The following TMPRSS5 variants were observed in gnomAD, a reference collection of about 807,000 sequenced individuals.
TMPRSS5 encodes transmembrane protease serine 5.
Under a neutral mutation model 59.7 loss-of-function variants are expected in TMPRSS5, and 45 were observed. The observed-to-expected ratio is 0.75, with a 90% confidence interval of 0.59 to 0.97. The LOEUF (loss-of-function observed/expected upper bound fraction) is 0.97. Ranked by LOEUF, TMPRSS5 falls within the 50% of genes least tolerant of loss-of-function variation. The probability of loss-of-function intolerance (pLI) is 0.00; values close to 1 mark genes in which losing one functional copy is unlikely to be tolerated. For missense variants in TMPRSS5, 585 were observed against 596.7 expected (o/e 0.98, Z 0.20); for synonymous variants, 225 against 232.0 (o/e 0.97, Z 0.27).
intron 1 of TMPRSS5, among the ~76,000 whole-genome samples, chr11:113,700,656 T>C (rs1365671553): frequency 6.6e-6 from 1 of 152,052 alleles, no homozygotes; most frequent in Non-Finnish European, 1.5e-5. Flanking sequence ...CTATAGGGAG[T>C]TCAGAATAAA....
intron 6 of TMPRSS5, among the ~76,000 whole-genome samples, chr11:113,695,890 G>T (rs767151698): frequency 6.6e-6 from 1 of 152,056 alleles, no homozygotes; most frequent in Non-Finnish European, 1.5e-5. Flanking sequence ...CCTCTGCCTG[G>T]GCTTTGCATA....
At chr11:113,703,168 G>A (rs999043424) in intron 1 of TMPRSS5, among the ~76,000 whole-genome samples, 4 of 152,378 alleles carry the variant, frequency 2.6e-5, no homozygotes, top group South Asian at 4.1e-4. Flanking sequence ...AAAGCCACAA[G>A]GGCAGAGCTG....
chr11:113,696,765 C>T, intron 6 of TMPRSS5, 93 bp downstream of exon 6: 2 of 813,660 alleles, frequency 2.5e-6, no homozygotes, highest in Middle Eastern at 5.6e-4. Flanking sequence ...CACCAGTGTC[C>T]TCCCCACCGG....
intron 5 of TMPRSS5, 81 bp downstream of exon 5, chr11:113,697,202 C>A (rs951046517): frequency 6.5e-7 from 1 of 1,529,316 alleles, no homozygotes; most frequent in Non-Finnish European, 8.9e-7. Context: ...TGACCAGTGA[C>A]GGGCAGGTAG....
rs1286889306 is a variant in TMPRSS5 at position 113,693,220 on chromosome 11, C to T, written c.815G>A (p.Arg272Gln). 6 of 1,582,954 alleles carry T rather than the reference C, an allele frequency of 3.8e-6. No individual in the cohort carries two copies. Among genetic ancestry groups the T allele is most frequent in the South Asian group, 3.5e-5 (3 of 86,942 alleles). The change falls in exon 9 of 13, where the codon CGG (arginine) becomes CAG (glutamine). Residue 272 changes from arginine to glutamine, a missense_variant. Arg to Gln is a conservative substitution (Grantham distance 43). Transcript: ENST00000299882. ...GTGGCTGACCAGCCCCGCATGAACCCGCCAGCTGGACAGGCGGGCCAGCCT... is the reference window on the plus strand; with the variant it reads ...GTGGCTGACCAGCCCCGCATGAACCTGCCAGCTGGACAGGCGGGCCAGCCT... ...SFRLARLSSW[R>Q]VHAGLVSHSA... is the part of the protein sequence containing the mutation.
rs968696502 is a variant in TMPRSS5, at chr11:113,688,265, G to C, written c.1369C>G (p.Leu457Val). 2.5e-6 allele frequency: 4 copies of C among 1,580,872 alleles called. No individual in the cohort carries two copies. The South Asian group carries it at 3.5e-5, about 14-fold the overall frequency. ...WIHDTAQDSLL is the reference protein window; with the variant it reads ...WIHDTAQDSLV ...ACTGGAGGAAACAGCAGGACTCAGA[G>C]GAGGGAGTCCTAGACCAAAAGGGAA... Residue 457 changes from leucine (L) to valine (V), a missense_variant, in exon 13 of 13, where the codon CTC becomes GTC. Coordinates refer to ENST00000299882, the MANE Select transcript of TMPRSS5 (RefSeq NM_030770.4).
Position 113,693,152 on chromosome 11 carries a change from T to C in TMPRSS5, c.883A>G (p.Ile295Val), listed in dbSNP as rs1338156058. ...PHQGALVERI[I>V]PHPLYSAQNH... is the part of the protein sequence containing the mutation. ...TGGGCACTGTAGAGGGGGTGTGGGA[T>C]AATCCTCTCCACCAGAGCCCCTTGG... The change falls in exon 9 of 13, where the codon ATC becomes GTC. Residue 295 changes from isoleucine to valine, a missense_variant. By Grantham distance (29) the Ile-to-Val change is conservative. Coordinates refer to ENST00000299882, the MANE Select transcript of TMPRSS5 (RefSeq NM_030770.4). 1 of 1,601,096 alleles carries C rather than the reference T, an allele frequency of 6.2e-7. No individual in the cohort carries two copies.
In TMPRSS5 at chr11:113,696,991, A is replaced by G; in HGVS notation, c.465-20T>C. ...GTGAGTCTTGGCAGAAGAAGGGAAT[A>G]GAACAGGAGGAAATCATAACTGGAA... On this transcript the variant is annotated intron_variant, in intron 5 of 12. Coordinates refer to ENST00000299882, the MANE Select transcript of TMPRSS5 (RefSeq NM_030770.4). The G allele has an allele frequency of 6.6e-7, 1 of 1,522,262 alleles. No homozygotes were observed. The allele number at this position is 1,522,262 out of a possible 1,614,324, so 94.3% of individuals were successfully genotyped here. A position where few individuals can be genotyped will look rare whatever the true frequency, so the allele number is the denominator to read the frequency against.
chr11:113,703,903 C>A (rs1375081086), intron 1 of TMPRSS5, among the ~76,000 whole-genome samples: 1 of 152,170 alleles, frequency 6.6e-6, no homozygotes, highest in Non-Finnish European at 1.5e-5. Flanking sequence ...TATAAATTAC[C>A]CAGTCTCAGG....
intron 1 of TMPRSS5, among the ~76,000 whole-genome samples, chr11:113,704,270 C>T (rs530945183): frequency 6.6e-6 from 1 of 152,284 alleles, no homozygotes; most frequent in South Asian, 2.1e-4. Flanking sequence ...ACAACTCAGG[C>T]CATCTCTTCA....
chr11:113,699,573 G>T, intron 3 of TMPRSS5, 22 bp downstream of exon 3: 1 of 1,554,998 alleles, frequency 6.4e-7, no homozygotes, highest in Non-Finnish European at 8.7e-7. Flanking sequence ...CCCCACACCA[G>T]AGAAAGGCCC....
At chr11:113,696,828 C>A in intron 6 of TMPRSS5, 30 bp downstream of exon 6, 1 of 1,472,842 alleles carries the variant, frequency 6.8e-7, no homozygotes, top group African/African-American at 1.4e-5. Flanking sequence ...GTAAGGGACC[C>A]CACTCACCTA....
intron 12 of TMPRSS5, among the ~76,000 whole-genome samples, chr11:113,689,112 C>T (rs1194083251): frequency 6.6e-6 from 1 of 151,886 alleles, no homozygotes; most frequent in Non-Finnish European, 1.5e-5. Flanking sequence ...AATCCCAGCA[C>T]TTTGGGAGGC....
chr11:113,699,660 C>T lies in TMPRSS5; in HGVS notation c.140G>A (p.Arg47His), dbSNP rs755799211. Residue 47 changes from arginine to histidine, a missense_variant, in exon 3 of 13, where the codon CGT (arginine) becomes CAT (histidine). Physicochemically the swap from Arg to His is conservative, Grantham distance 29. Transcript: ENST00000299882. ...CAGGGCTCCCAGCACTGCACAGCCA[C>T]GTCGCATGGAACGCCAGCACACTGC... ...SQAVCWRSMR[R>H]GCAVLGALGL... The T allele has an allele frequency of 9.5e-6, 15 of 1,585,060 alleles. No individual in the cohort carries two copies. The highest frequency in any genetic ancestry group is 3.6e-5 in the Admixed American group (2 of 55,352).
intron 9 of TMPRSS5, among the ~76,000 whole-genome samples, chr11:113,692,416 A>G (rs915077501): frequency 6.6e-6 from 1 of 152,168 alleles, no homozygotes; most frequent in African/African-American, 2.4e-5. Flanking sequence ...GTGAATGCTC[A>G]CGTGTGAGTC....
chr11:113,699,258 T>C (rs59620222), intron 3 of TMPRSS5, among the ~76,000 whole-genome samples: 4,936 of 51,486 alleles, frequency 0.096, 956 homozygotes, highest in South Asian at 0.18. Flanking sequence ...TCTCTCTCTC[T>C]CTCTCTCTCT....
chr11:113,705,074 G>T (rs187967993), intron 1 of TMPRSS5, among the ~76,000 whole-genome samples: 1 of 151,954 alleles, frequency 6.6e-6, no homozygotes, highest in South Asian at 2.1e-4. Context: ...AGCAACTCCC[G>T]TTTCCCCTGC....
intron 3 of TMPRSS5, among the ~76,000 whole-genome samples, chr11:113,699,233 CT>C (rs1953028636): frequency 1.7e-5 from 1 of 60,342 alleles, no homozygotes; most frequent in African/African-American, 1.0e-4. Flanking sequence ...CTCTCTCTCT[CT>C]CTCTCTCTCT....
At chr11:113,688,690 C>T (rs956215810) in intron 12 of TMPRSS5, among the ~76,000 whole-genome samples, 2 of 152,148 alleles carry the variant, frequency 1.3e-5, no homozygotes, top group Non-Finnish European at 2.9e-5. Flanking sequence ...CCTGCCTCAA[C>T]CTCCCAAGTA....
Sources: allele counts gnomAD v4.1 joint callset (sites outside exome capture counted in the v4.1 genomes callset), GRCh38; gene constraint gnomAD v4.1.1; transcripts MANE v1.5; gene names NCBI Gene and HGNC (gene_info 2026-07-23, HGNC 2026-07-21).